The following EPAS1 variants were observed in gnomAD, a reference collection of about 807,000 sequenced individuals.
EPAS1 encodes the protein endothelial PAS domain-containing protein 1.
In EPAS1, 23 loss-of-function variants were observed where a neutral mutation model predicts 87.9. The ratio of observed to expected loss-of-function variants is 0.26; its 90% confidence interval spans 0.19 to 0.37. The LOEUF (loss-of-function observed/expected upper bound fraction) is 0.37, where lower values mean the gene tolerates loss of function less well. Among genes scored for constraint, EPAS1 ranks in the 10% least tolerant of loss-of-function variants. The pLI is 1.00. For synonymous variants in EPAS1, 508 were observed against 444.3 expected (o/e 1.14, Z -1.80); for missense variants, 1,138 against 1,120.7 (o/e 1.02, Z -0.22).
At chr2:46,326,926 A>G (rs1471151212) in intron 1 of EPAS1, among the ~76,000 whole-genome samples, 1 of 152,166 alleles carries the variant, frequency 6.6e-6, no homozygotes, top group Non-Finnish European at 1.5e-5. Context: ...GAGATTTACC[A>G]CCTATGAGTT....
intron 1 of EPAS1, among the ~76,000 whole-genome samples, chr2:46,334,522 C>G (rs920317218): frequency 1.6e-4 from 24 of 152,158 alleles, no homozygotes; most frequent in African/African-American, 5.6e-4. Context: ...AGAGTTCTCC[C>G]TGTCTTCTCC....
At position 46,360,869 on chromosome 2, in the gene EPAS1, T is replaced by C; in HGVS notation, c.574-16T>C. ...CACTCTCGGCTCCATGTCTGACCCT[T>C]CCACGCCTGTCTCAGGTCTTGCACT... is the stretch of plus-strand genomic sequence containing the variant. On this transcript the variant is annotated splice_polypyrimidine_tract_variant and intron_variant, in intron 5 of 15. Coordinates refer to ENST00000263734, the MANE Select transcript of EPAS1 (RefSeq NM_001430.5). The surrounding 1 kb of genome is among the most constrained non-coding windows in gnomAD (Gnocchi z 4.5). 1 of 1,614,100 alleles carries C rather than the reference T, an allele frequency of 6.2e-7. No individual in the cohort carries two copies.
rs906053314 is a variant in EPAS1, at chr2:46,305,089, G to A, written c.26+7152G>A. On this transcript the variant is annotated intron_variant, in intron 1 of 15. Coordinates refer to ENST00000263734, the MANE Select transcript of EPAS1 (RefSeq NM_001430.5). ...GTGTTGGCAACTGTGCATCACAGTC[G>A]ATGTGGTGGTCATCCATGGGATGCC... Among the ~76,000 whole-genome samples the A allele has an allele frequency of 6.6e-5, 10 of 152,286 alleles. No individual in the cohort carries two copies. The East Asian group carries it at 9.6e-4, about 15-fold the overall frequency.
intron 1 of EPAS1, among the ~76,000 whole-genome samples, chr2:46,306,321 C>T (rs1288207904): frequency 1.3e-5 from 2 of 152,148 alleles, no homozygotes; most frequent in Non-Finnish European, 2.9e-5. Context: ...AGCAAGAAGA[C>T]CAGCATGCTT....
At chr2:46,377,507 G>A (rs984101955) in intron 9 of EPAS1, among the ~76,000 whole-genome samples, 1 of 152,232 alleles carries the variant, frequency 6.6e-6, no homozygotes, top group South Asian at 2.1e-4. Context: ...GAAACGCAGC[G>A]GGCCCTTGGC....
Position 46,380,035 on chromosome 2 carries a change from G to T in EPAS1, c.1555-192G>T. The T allele has an allele frequency of 1.2e-6, 1 of 817,460 alleles. No homozygotes were observed. The highest frequency in any genetic ancestry group is 2.4e-5 in the East Asian group (1 of 40,942). The allele number at this position is 817,460 out of a possible 1,614,324, so 50.6% of individuals were successfully genotyped here. A position where few individuals can be genotyped will look rare whatever the true frequency, so the allele number is the denominator to read the frequency against. The stretch of plus-strand genomic sequence containing the variant: ...TAAACATGGGGGAAGGCTGGTACAT[G>T]ATACAAGGTCGTGTACATGACACAG... On this transcript the variant is annotated intron_variant, in intron 11 of 15. Coordinates refer to ENST00000263734, the MANE Select transcript of EPAS1 (RefSeq NM_001430.5). The surrounding 1 kb of genome is among the most constrained non-coding windows in gnomAD (Gnocchi z 4.4).
intron 1 of EPAS1, among the ~76,000 whole-genome samples, chr2:46,318,702 T>A (rs1482826671): frequency 6.6e-6 from 1 of 152,240 alleles, no homozygotes; most frequent in Non-Finnish European, 1.5e-5. Flanking sequence ...TAGGAGCTCA[T>A]ATGCCATGTT....
chr2:46,382,234 C>T, intron 14 of EPAS1, 145 bp downstream of exon 14: 3 of 1,038,504 alleles, frequency 2.9e-6, no homozygotes, highest in Non-Finnish European at 4.4e-6. Context: ...CTCTGTCTCT[C>T]CCGCAGTCCC....
At position 46,332,273 on chromosome 2, in the gene EPAS1, G is replaced by GAAAA. The variant is rs10566727; in HGVS notation, c.27-14588_27-14585dup. On this transcript the variant is annotated intron_variant, in intron 1 of 15. Coordinates refer to ENST00000263734, the MANE Select transcript of EPAS1 (RefSeq NM_001430.5). ...TAATGGACAGAACTGGTGTTTCACA[G>GAAAA]AAAAAAAAAAAAAAATACGTGTGTG... Among the ~76,000 whole-genome samples the GAAAA allele has an allele frequency of 2.7e-4, 36 of 135,712 alleles. 1 individual carries two copies. The highest frequency in any genetic ancestry group is 7.6e-4 in the African/African-American group (27 of 35,462). 89.0% of individuals were successfully genotyped at this position (135,712 alleles called of 152,430 possible).
In EPAS1 at chr2:46,384,957, T is replaced by G; in HGVS notation, c.*297T>G. The G allele has an allele frequency of 2.4e-6, 1 of 421,274 alleles. No individual in the cohort carries two copies. Among genetic ancestry groups the G allele is most frequent in the Non-Finnish European group, 4.4e-6 (1 of 224,860 alleles). 26.1% of individuals were successfully genotyped at this position (421,274 alleles called of 1,614,324 possible). On this transcript the variant is annotated 3_prime_UTR_variant, in exon 16 of 16. Transcript: ENST00000263734. ...AATTTATATTATCCATAGGTTTCTC[T>G]CCCTCCTTCTCCTTCTCACACACAA... is the stretch of plus-strand genomic sequence containing the variant.
intron 10 of EPAS1, among the ~76,000 whole-genome samples, chr2:46,378,429 G>C (rs1327037651): frequency 1.3e-5 from 2 of 152,226 alleles, no homozygotes; most frequent in Non-Finnish European, 2.9e-5. Context: ...AGGACAACCT[G>C]TGAAGCGACA....
intron 1 of EPAS1, among the ~76,000 whole-genome samples, chr2:46,308,546 G>C (rs1683153201): frequency 6.6e-6 from 1 of 151,272 alleles, no homozygotes; most frequent in Non-Finnish European, 1.5e-5. Context: ...TACTTGGAAA[G>C]CCTGCCTCAC....
chr2:46,358,058 G>T (rs1684307009), intron 4 of EPAS1, among the ~76,000 whole-genome samples: 1 of 152,216 alleles, frequency 6.6e-6, no homozygotes, highest in Non-Finnish European at 1.5e-5. Context: ...CATGGGGCTT[G>T]TGCTTGTCCA....
intron 1 of EPAS1, among the ~76,000 whole-genome samples, chr2:46,302,608 T>G (rs1683030202): frequency 6.6e-6 from 1 of 152,028 alleles, no homozygotes; most frequent in Admixed American, 6.6e-5. Flanking sequence ...ATATTCACCC[T>G]AAGATATAAT....
chr2:46,368,442 T>C (rs975450354), intron 6 of EPAS1, among the ~76,000 whole-genome samples: 1 of 151,730 alleles, frequency 6.6e-6, no homozygotes, highest in African/African-American at 2.4e-5. Context: ...AGATGGAGAG[T>C]AGGTTCTGGG....
chr2:46,353,895 C>G (rs911664323), intron 2 of EPAS1, among the ~76,000 whole-genome samples: 2 of 152,178 alleles, frequency 1.3e-5, no homozygotes, highest in Non-Finnish European at 2.9e-5. Context: ...GGAAAGCCAC[C>G]GGGGCATTAC....
intron 1 of EPAS1, among the ~76,000 whole-genome samples, chr2:46,336,257 A>C (rs562818232): frequency 6.6e-6 from 1 of 152,334 alleles, no homozygotes; most frequent in East Asian, 1.9e-4. Context: ...GTTCCACTGA[A>C]GGATACACGA....
chr2:46,369,805 T>C lies in EPAS1; in HGVS notation c.780-22T>C, dbSNP rs758773719. Reference sequence around the variant, plus strand: ...GTTAATATGGTCTTTCTTCCTTACATGCTGCCTTTTTAAAAACTCAGAATC... The same window carrying C: ...GTTAATATGGTCTTTCTTCCTTACACGCTGCCTTTTTAAAAACTCAGAATC... On this transcript the variant is annotated intron_variant, in intron 6 of 15. Coordinates refer to ENST00000263734, the MANE Select transcript of EPAS1 (RefSeq NM_001430.5). The C allele has an allele frequency of 1.6e-5, 25 of 1,585,920 alleles. No homozygotes were observed. The East Asian group carries it at 4.9e-4, about 31-fold the overall frequency.
chr2:46,365,283 AAG>A (rs1428653442), intron 6 of EPAS1, among the ~76,000 whole-genome samples: 6 of 152,232 alleles, frequency 3.9e-5, no homozygotes, highest in Non-Finnish European at 7.3e-5. Context: ...CAAATCAACA[AAG>A]AGGGTCATAC....
Sources: gnomAD v4.1 joint callset for allele counts (sites outside exome capture counted in the v4.1 genomes callset) on GRCh38, gnomAD v4.1.1 for gene constraint, Gnocchi (gnomAD v3.1) non-coding constraint, MANE v1.5 for transcripts, NCBI Gene and HGNC (gene_info 2026-07-23, HGNC 2026-07-21) for gene names.